Variants in GNAT3 observed in about 807,000 individuals in gnomAD.
GNAT3 encodes guanine nucleotide-binding protein G(t) subunit alpha-3.
A neutral mutation model predicts 37.7 loss-of-function variants in GNAT3; 31 were observed. The observed-to-expected ratio is 0.82, with a 90% CI of 0.62 to 1.11. The LOEUF (loss-of-function observed/expected upper bound fraction) is 1.11. Among genes scored for constraint, GNAT3 ranks in the 50% most tolerant of loss-of-function variants. The pLI is 0.00. For missense variants in GNAT3, 437 were observed against 412.5 expected (o/e 1.06, Z -0.51); for synonymous variants, 138 against 139.8 (o/e 0.99, Z 0.09).
At chr7:80,495,177 A>G (rs1295836118) in intron 1 of GNAT3, among the ~76,000 whole-genome samples, 1 of 152,166 alleles carries the variant, frequency 6.6e-6, no homozygotes, top group African/African-American at 2.4e-5. Context: ...TGCTATTATA[A>G]ATAGTGCTGC....
chr7:80,501,529 A>G (rs1283467027), intron 1 of GNAT3, among the ~76,000 whole-genome samples: 1 of 151,942 alleles, frequency 6.6e-6, no homozygotes, highest in African/African-American at 2.4e-5. Context: ...ATTCAAATTT[A>G]TCTGATTGTT....
intron 5 of GNAT3, among the ~76,000 whole-genome samples, chr7:80,469,713 C>T (rs1170729898): frequency 2.0e-5 from 3 of 151,924 alleles, no homozygotes; most frequent in African/African-American, 4.8e-5. Context: ...CAAATCAATG[C>T]TAATGTAATA....
At chr7:80,462,378 T>G in intron 6 of GNAT3, 66 bp from the exon 7 acceptor site, 1 of 1,560,914 alleles carries the variant, frequency 6.4e-7, no homozygotes, top group South Asian at 1.1e-5. Context: ...TTGAGCATCA[T>G]GAACAAGGAT....
intron 5 of GNAT3, among the ~76,000 whole-genome samples, chr7:80,464,325 G>A (rs1220794938): frequency 1.3e-5 from 2 of 152,000 alleles, no homozygotes. Context: ...GAGATGAGGG[G>A]TTGAGCCAAA....
At chr7:80,464,194 T>C (rs1790097747) in intron 5 of GNAT3, among the ~76,000 whole-genome samples, 1 of 151,728 alleles carries the variant, frequency 6.6e-6, no homozygotes, top group Admixed American at 6.6e-5. Context: ...ATAGACTTAA[T>C]AGGAAATATC....
intron 4 of GNAT3, among the ~76,000 whole-genome samples, chr7:80,477,670 A>G (rs1790329257): frequency 6.6e-6 from 1 of 152,070 alleles, no homozygotes; most frequent in Non-Finnish European, 1.5e-5. Flanking sequence ...TCTGTCCTTA[A>G]CCGATCTTTT....
chr7:80,477,185 G>A (rs2116167252), intron 4 of GNAT3, among the ~76,000 whole-genome samples: 1 of 152,144 alleles, frequency 6.6e-6, no homozygotes, highest in South Asian at 2.1e-4. Flanking sequence ...CCATTTATTT[G>A]CCCATTTTAA....
At chr7:80,482,689 ATTTTT>A (rs71079119) in intron 3 of GNAT3, among the ~76,000 whole-genome samples, 4 of 114,106 alleles carry the variant, frequency 3.5e-5, no homozygotes, top group South Asian at 3.1e-4. Flanking sequence ...AATTTTTGTA[ATTTTT>A]TTTTTTTTTT....
intron 3 of GNAT3, 29 bp from the exon 4 acceptor site, chr7:80,479,027 A>C: frequency 6.7e-7 from 1 of 1,493,438 alleles, no homozygotes; most frequent in Non-Finnish European, 9.1e-7. Context: ...GAGAATAAGT[A>C]TGTATTATTT....
intron 3 of GNAT3, among the ~76,000 whole-genome samples, chr7:80,486,175 G>A (rs920987838): frequency 1.3e-5 from 2 of 152,156 alleles, no homozygotes; most frequent in Non-Finnish European, 2.9e-5. Context: ...AGCTGAAACT[G>A]ATAGAGTTCA....
rs994295895 is a variant in GNAT3, at chr7:80,466,636, G to C, written c.591-4005C>G. Among the ~76,000 whole-genome samples the C allele has an allele frequency of 1.4e-4, 22 of 151,918 alleles. 1 individual carries two copies. Among genetic ancestry groups the C allele is most frequent in the African/African-American group, 4.6e-4 (19 of 41,504 alleles). ...TCTATGGGGGACATAAACTCCCCAG[G>C]AGGAGGAAAAAAAGGGAGCCTCATA... On this transcript the variant is annotated intron_variant, in intron 5 of 7. Coordinates refer to ENST00000398291, the MANE Select transcript of GNAT3 (RefSeq NM_001102386.3).
At chr7:80,465,812 T>C (rs140188448) in intron 5 of GNAT3, among the ~76,000 whole-genome samples, 39 of 152,242 alleles carry the variant, frequency 2.6e-4, no homozygotes, top group African/African-American at 7.9e-4. Context: ...ATGAAGATAA[T>C]CACCTAATGC....
intron 1 of GNAT3, among the ~76,000 whole-genome samples, chr7:80,509,602 A>G (rs1243027637): frequency 6.6e-6 from 1 of 152,024 alleles, no homozygotes; most frequent in Non-Finnish European, 1.5e-5. Flanking sequence ...AATTCATCTG[A>G]CTTATTTTTC....
chr7:80,496,922 C>T (rs1790728353), intron 1 of GNAT3, among the ~76,000 whole-genome samples: 1 of 151,834 alleles, frequency 6.6e-6, no homozygotes, highest in South Asian at 2.1e-4. Context: ...AACAGCTGTC[C>T]ACCTTATGTG....
intron 5 of GNAT3, among the ~76,000 whole-genome samples, chr7:80,468,310 C>T (rs1790157383): frequency 6.6e-6 from 1 of 151,962 alleles, no homozygotes; most frequent in African/African-American, 2.4e-5. Context: ...ATATAATCTG[C>T]TTATAATTCT....
intron 5 of GNAT3, among the ~76,000 whole-genome samples, chr7:80,463,051 A>T (rs1313112387): frequency 1.3e-5 from 2 of 152,166 alleles, no homozygotes; most frequent in African/African-American, 4.8e-5. Context: ...TTCTACATTC[A>T]TTTACTCAAA....
intron 3 of GNAT3, among the ~76,000 whole-genome samples, chr7:80,484,129 A>T (rs1790437458): frequency 6.6e-6 from 1 of 152,072 alleles, no homozygotes; most frequent in Non-Finnish European, 1.5e-5. Flanking sequence ...TTGTATAGAA[A>T]ATAAAATATG....
At chr7:80,487,346 A>G (rs542663661) in intron 3 of GNAT3, among the ~76,000 whole-genome samples, 16 of 152,274 alleles carry the variant, frequency 1.1e-4, no homozygotes, top group African/African-American at 3.8e-4. Context: ...AGCCAGAGAG[A>G]TAGATTGGAG....
intron 1 of GNAT3, among the ~76,000 whole-genome samples, chr7:80,496,753 T>C (rs765529158): frequency 8.5e-5 from 13 of 152,222 alleles, no homozygotes; most frequent in Non-Finnish European, 1.8e-4. Flanking sequence ...GCATCATTTT[T>C]TCCTCACTGA....
Sources: allele counts gnomAD v4.1 joint callset (sites outside exome capture counted in the v4.1 genomes callset), GRCh38; gene constraint gnomAD v4.1.1; transcripts MANE v1.5; gene names NCBI Gene and HGNC (gene_info 2026-07-23, HGNC 2026-07-21).